Variants in JAZF1 observed in about 807,000 individuals in gnomAD.
JAZF1 encodes the protein JAZF zinc finger 1.
In JAZF1, 8 loss-of-function variants were observed where a neutral mutation model predicts 26.4. The observed-to-expected ratio is 0.30, with a 90% CI of 0.18 to 0.55. The LOEUF is 0.55. Among genes scored for constraint, JAZF1 ranks in the 20% least tolerant of loss-of-function variants. JAZF1 has a pLI of 0.94. For synonymous variants in JAZF1, 126 were observed against 122.3 expected (o/e 1.03, Z -0.20); for missense variants, 199 against 322.0 (o/e 0.62, Z 2.92).
At chr7:28,056,444 A>G (rs1783710582) in intron 1 of JAZF1, among the ~76,000 whole-genome samples, 1 of 92,604 alleles carries the variant, frequency 1.1e-5, no homozygotes, top group Admixed American at 9.5e-5. Flanking sequence ...CTACACACAC[A>G]CACACACACA....
At chr7:27,905,550 CTTTT>C (rs1784240609) in intron 2 of JAZF1, among the ~76,000 whole-genome samples, 2 of 149,010 alleles carry the variant, frequency 1.3e-5, no homozygotes, top group Non-Finnish European at 3.0e-5. Context: ...ATTTATTTTT[CTTTT>C]TATTTTTTAT....
At chr7:28,067,003 C>T (rs902659214) in intron 1 of JAZF1, among the ~76,000 whole-genome samples, 3 of 152,172 alleles carry the variant, frequency 2.0e-5, no homozygotes, top group African/African-American at 7.2e-5. Flanking sequence ...CCAGATTAAG[C>T]TTCCACAAGT....
chr7:27,895,933 G>C (rs1352830266), intron 2 of JAZF1, among the ~76,000 whole-genome samples: 1 of 151,782 alleles, frequency 6.6e-6, no homozygotes, highest in South Asian at 2.1e-4. Flanking sequence ...TTGTTATTTG[G>C]GTTTAAAAAC....
intron 1 of JAZF1, among the ~76,000 whole-genome samples, chr7:28,043,564 C>T (rs1468396843): frequency 6.6e-6 from 1 of 152,094 alleles, no homozygotes; most frequent in Non-Finnish European, 1.5e-5. Flanking sequence ...ATTACACAGC[C>T]ATTGTAGAAA....
chr7:27,997,247 AG>A (rs1786035448), intron 1 of JAZF1, among the ~76,000 whole-genome samples: 1 of 152,094 alleles, frequency 6.6e-6, no homozygotes, highest in Non-Finnish European at 1.5e-5. Flanking sequence ...GCCTGAAAAT[AG>A]GGGGGTTGTT....
rs118009220 is a variant in JAZF1, at chr7:28,029,802, A to G, written c.116-37821T>C. Among the ~76,000 whole-genome samples, 790 of 152,314 alleles carry G rather than the reference A, an allele frequency of 5.2e-3. 4 individuals are homozygous for G. The highest frequency in any genetic ancestry group is 0.014 in the Middle Eastern group (4 of 294). On this transcript the variant is annotated intron_variant, in intron 1 of 4. Coordinates refer to ENST00000283928, the MANE Select transcript of JAZF1 (RefSeq NM_175061.4). Reference sequence around the variant, plus strand: ...TTGCTGACAAGGTGAAGAACTATACAGTCAGTACTCAGGTACTGGCTACAG... The same window carrying G: ...TTGCTGACAAGGTGAAGAACTATACGGTCAGTACTCAGGTACTGGCTACAG...
At chr7:27,995,780 A>T (rs1786003503) in intron 1 of JAZF1, among the ~76,000 whole-genome samples, 1 of 152,194 alleles carries the variant, frequency 6.6e-6, no homozygotes, top group Non-Finnish European at 1.5e-5. Flanking sequence ...AGCTTTCTGT[A>T]GCTCCTGTGG....
chr7:28,140,538 A>G (rs1446868327), intron 1 of JAZF1, among the ~76,000 whole-genome samples: 1 of 152,056 alleles, frequency 6.6e-6, no homozygotes, highest in African/African-American at 2.4e-5. Context: ...CCCAAACCCC[A>G]CCGAGATTCT....
At chr7:28,101,362 T>C (rs973369421) in intron 1 of JAZF1, among the ~76,000 whole-genome samples, 4 of 152,106 alleles carry the variant, frequency 2.6e-5, no homozygotes, top group African/African-American at 7.2e-5. Flanking sequence ...TATTATGTTA[T>C]ATATTGATTC....
At chr7:27,849,834 C>T (rs1015874034) in intron 3 of JAZF1, among the ~76,000 whole-genome samples, 4 of 151,456 alleles carry the variant, frequency 2.6e-5, no homozygotes, top group Non-Finnish European at 2.9e-5. Context: ...CCAGGGGCCC[C>T]GCCGGGTGCT....
chr7:28,148,574 T>C (rs945917434), intron 1 of JAZF1, among the ~76,000 whole-genome samples: 2 of 152,252 alleles, frequency 1.3e-5, no homozygotes, highest in Admixed American at 6.5e-5. Context: ...TGAGAAGGCG[T>C]ATCTGAGTAT....
chr7:28,054,659 T>C (rs943944279), intron 1 of JAZF1, among the ~76,000 whole-genome samples: 24 of 152,134 alleles, frequency 1.6e-4, no homozygotes, highest in African/African-American at 5.1e-4. Context: ...TGGTATAATA[T>C]GTGATTCTCT....
chr7:27,839,195 C>T (rs556679475), intron 4 of JAZF1, among the ~76,000 whole-genome samples: 8 of 152,272 alleles, frequency 5.3e-5, no homozygotes, highest in Admixed American at 3.9e-4. Context: ...GCGGGTCAGC[C>T]GAGTACAGGT....
chr7:27,837,717 G>C (rs1468532648), intron 4 of JAZF1, among the ~76,000 whole-genome samples: 1 of 152,030 alleles, frequency 6.6e-6, no homozygotes, highest in East Asian at 1.9e-4. Context: ...GAGGGAGAGA[G>C]GAAGGGACAG....
intron 1 of JAZF1, among the ~76,000 whole-genome samples, chr7:28,035,326 A>G (rs1288052473): frequency 7.0e-6 from 1 of 142,410 alleles, no homozygotes; most frequent in Non-Finnish European, 1.6e-5. Context: ...AAAAAAAAAA[A>G]AAAAAAAAAA....
At chr7:27,849,756 C>CAGACAT (rs200915594) in intron 3 of JAZF1, among the ~76,000 whole-genome samples, 1 of 147,464 alleles carries the variant, frequency 6.8e-6, no homozygotes, top group African/African-American at 2.6e-5. Context: ...CACACAGACA[C>CAGACAT]ACACACACAC....
rs77012165 is a variant in JAZF1 at position 28,038,018 on chromosome 7, T to C, written c.116-46037A>G. On this transcript the variant is annotated intron_variant, in intron 1 of 4. Coordinates refer to ENST00000283928, the MANE Select transcript of JAZF1 (RefSeq NM_175061.4). ...TCATTGCCAACATCACAATTTCAAA[T>C]AGGAAAAATAAAAAGCTTTTTTTCT... 8.6e-3 allele frequency among the ~76,000 whole-genome samples: 1,314 copies of C among 152,282 alleles called. 19 individuals carry two copies. The highest frequency in any genetic ancestry group is 0.029 in the African/African-American group (1,220 of 41,574).
chr7:28,156,149 C>A (rs1200395550), intron 1 of JAZF1, among the ~76,000 whole-genome samples: 3 of 152,220 alleles, frequency 2.0e-5, no homozygotes, highest in African/African-American at 7.2e-5. Flanking sequence ...TTGGGTGGAA[C>A]CATCGATCCT....
chr7:27,871,403 A>T (rs1363466000), intron 3 of JAZF1, among the ~76,000 whole-genome samples: 1 of 152,192 alleles, frequency 6.6e-6, no homozygotes, highest in East Asian at 1.9e-4. Context: ...CTATAAGGAG[A>T]ATACCACTTT....
Sources: gnomAD v4.1 joint callset for allele counts (sites outside exome capture counted in the v4.1 genomes callset) on GRCh38, gnomAD v4.1.1 for gene constraint, MANE v1.5 for transcripts, NCBI Gene and HGNC (gene_info 2026-07-23, HGNC 2026-07-21) for gene names.